Variants in SEC16B observed in about 807,000 individuals in gnomAD.
SEC16B encodes the protein SEC16 homolog B, endoplasmic reticulum export factor, also known as protein transport protein Sec16B.
In SEC16B, 115 loss-of-function variants were observed where a neutral mutation model predicts 141.8. The ratio of observed to expected loss-of-function variants is 0.81; its 90% CI spans 0.70 to 0.95. SEC16B has a LOEUF of 0.95. SEC16B is among the 40% of genes least tolerant of loss of function. The probability of loss-of-function intolerance (pLI) is 0.00; values close to 1 mark genes in which losing one functional copy is unlikely to be tolerated. For synonymous variants in SEC16B, 493 were observed against 492.5 expected (o/e 1.00, Z -0.01); for missense variants, 1,291 against 1,312.3 (o/e 0.98, Z 0.25).
chr1:177,983,449 A>G (rs760108384), intron 1 of SEC16B, among the ~76,000 whole-genome samples: 1 of 151,940 alleles, frequency 6.6e-6, no homozygotes, highest in Non-Finnish European at 1.5e-5. Flanking sequence ...CAATAAGTTA[A>G]CCGTACTCAG....
intron 16 of SEC16B, 77 bp downstream of exon 16, chr1:177,941,823 A>G: frequency 6.8e-7 from 1 of 1,480,008 alleles, no homozygotes; most frequent in Non-Finnish European, 9.1e-7. Flanking sequence ...TGAAATGTAG[A>G]GTCTAAGCTG....
In SEC16B at chr1:177,946,511, C is replaced by T; in HGVS notation, c.1684G>A (p.Ala562Thr). 6.3e-7 allele frequency: 1 copy of T among 1,580,002 alleles called. No homozygotes were observed. The highest frequency in any genetic ancestry group is 1.2e-5 in the South Asian group (1 of 85,996). Residue 562 changes from alanine (A) to threonine (T), a missense_variant, in exon 14 of 26, where the codon GCA becomes ACA. Physicochemically the swap from Ala to Thr is moderately conservative, Grantham distance 58. This residue lies in a region of SEC16B where 5 missense variants were observed against 22.8 expected (regional missense o/e 0.22). Transcript: ENST00000308284. ...DTLAGKGLVE[A>T]AHFCYLMAHV... ...GCCATGAGATAGCAGAAGTGAGCTGCCTCCACAAGCCCCTTCCCAGCTGCG... is the reference window on the plus strand; with the variant it reads ...GCCATGAGATAGCAGAAGTGAGCTGTCTCCACAAGCCCCTTCCCAGCTGCG...
In SEC16B at chr1:177,937,415, G is replaced by GC; in HGVS notation, c.2301dup (p.Leu768AlafsTer36). The GC allele has an allele frequency of 6.2e-7, 1 of 1,609,754 alleles. No individual in the cohort carries two copies. The highest frequency in any genetic ancestry group is 8.5e-7 in the Non-Finnish European group (1 of 1,178,214). On this transcript the variant is annotated frameshift_variant, in exon 19 of 26. Transcript: ENST00000308284. LOFTEE classifies it high-confidence loss of function. Reference sequence around the variant, plus strand: ...AAGGGCTGCTGTGGGCTGGGCTGGAGCAGGCAGGTCTGCTCAGGTGTCAGC... The same window carrying GC: ...AAGGGCTGCTGTGGGCTGGGCTGGAGCCAGGCAGGTCTGCTCAGGTGTCAGC...
At chr1:177,963,441 A>G (rs1353505550) in intron 5 of SEC16B, among the ~76,000 whole-genome samples, 1 of 151,768 alleles carries the variant, frequency 6.6e-6, no homozygotes. Context: ...GGTCTCTACT[A>G]AAAATACAAA....
At position 177,937,566 on chromosome 1, in the gene SEC16B, A is replaced by T. The variant is rs550971216; in HGVS notation, c.2204-53T>A. 15 of 1,389,404 alleles carry T rather than the reference A, an allele frequency of 1.1e-5. No homozygotes were observed. In the South Asian group the frequency reaches 1.8e-4, roughly 17 times the overall value. 86.1% of individuals were successfully genotyped at this position (1,389,404 alleles called of 1,614,324 possible). ...GTCAGACCTGAAATGCGGCATTTGC[A>T]TACTGATCACACCAGAAACATTCCT... On this transcript the variant is annotated intron_variant, in intron 18 of 25. Transcript: ENST00000308284.
At position 177,939,571 on chromosome 1, in the gene SEC16B, G is replaced by A. The variant is rs140892210; in HGVS notation, c.2203+131C>T. 8.1e-4 allele frequency: 589 copies of A among 730,830 alleles called. 2 individuals are homozygous for A. In the African/African-American group the frequency reaches 8.8e-3, roughly 11 times the overall value. 45.3% of individuals were successfully genotyped at this position (730,830 alleles called of 1,614,324 possible). A position where few individuals can be genotyped will look rare whatever the true frequency, so the allele number is the denominator to read the frequency against. On this transcript the variant is annotated intron_variant, in intron 18 of 25. Transcript: ENST00000308284. ...TGGGTGGAGAAGGCGCCTGGACAAC[G>A]GGGCGGACTTACACAGGCAAGGCAG...
upstream of SEC16B, among the ~76,000 whole-genome samples, chr1:177,972,320 C>G (rs974545613): frequency 6.6e-6 from 1 of 152,182 alleles, no homozygotes; most frequent in Non-Finnish European, 1.5e-5. Context: ...TCATTTCCTA[C>G]CTTCCCAGCC....
chr1:177,932,352 G>A, intron 24 of SEC16B, 138 bp downstream of exon 24: 1 of 602,740 alleles, frequency 1.7e-6, no homozygotes, highest in Non-Finnish European at 2.7e-6. Context: ...ACTTTGTTAT[G>A]ACAGCCTGAG....
At chr1:177,961,016 G>A in intron 6 of SEC16B, 77 bp from the exon 7 acceptor site, 1 of 1,504,886 alleles carries the variant, frequency 6.6e-7, no homozygotes, top group Admixed American at 1.9e-5. Context: ...ATATGCCACA[G>A]ATGTATTTCT....
chr1:177,949,383 AACACACACACACACACACACACACAC>A (rs61635250), intron 12 of SEC16B, among the ~76,000 whole-genome samples: 3 of 136,770 alleles, frequency 2.2e-5, no homozygotes, highest in Non-Finnish European at 3.1e-5. Flanking sequence ...TCCCTTGCTA[AACACACACACACACACACACACACAC>A]ACACACACAC....
intron 19 of SEC16B, among the ~76,000 whole-genome samples, chr1:177,936,659 A>C (rs1434799985): frequency 6.6e-6 from 1 of 152,048 alleles, no homozygotes; most frequent in Non-Finnish European, 1.5e-5. Context: ...ACTCCTCTCC[A>C]TCTGAGCCTC....
chr1:177,944,003 C>A lies in SEC16B; in HGVS notation c.1881+558G>T, dbSNP rs888312167. 8.5e-5 allele frequency among the ~76,000 whole-genome samples: 13 copies of A among 152,182 alleles called. 1 individual carries two copies. Among genetic ancestry groups the A allele is most frequent in the Non-Finnish European group, 5.9e-5 (4 of 68,042 alleles). On this transcript the variant is annotated intron_variant, in intron 15 of 25. Coordinates refer to ENST00000308284, the MANE Select transcript of SEC16B (RefSeq NM_033127.4). The stretch of plus-strand genomic sequence containing the variant: ...ACTGGTCTTTACGAATGTAAGGTGA[C>A]AACAGCATCATGTAGAAACGTTGAG...
rs202059411 is a variant in SEC16B at position 177,944,589 on chromosome 1, C to A, written c.1853G>T (p.Arg618Leu). The change falls in exon 15 of 26, where the codon CGC (arginine) becomes CTC (leucine). Residue 618 changes from arginine (R) to leucine (L), a missense_variant. Arg to Leu is a moderately radical substitution (Grantham distance 102, BLOSUM62 -2). Around this residue, in one of 3 missense-constraint regions of SEC16B, gnomAD observed 605 missense variants for 614.1 expected, o/e 0.99. Transcript: ENST00000308284. ...GAAAGAAGGGATGAAGGATTTGGGG[C>A]GGCCCAGCATCTGACAGTACTCGAA... ...EIFEYCQMLG[R>L]PKSFIPSFQV... 40 of 1,613,556 alleles carry A rather than the reference C, an allele frequency of 2.5e-5. No individual in the cohort carries two copies. Among genetic ancestry groups the A allele is most frequent in the Non-Finnish European group, 3.4e-5 (40 of 1,179,712 alleles).
At chr1:177,938,944 C>T (rs368499855) in intron 18 of SEC16B, among the ~76,000 whole-genome samples, 1 of 152,228 alleles carries the variant, frequency 6.6e-6, no homozygotes, top group South Asian at 2.1e-4. Context: ...GCCAACCCGC[C>T]TGCTCCACTG....
At position 177,932,546 on chromosome 1, in the gene SEC16B, C is replaced by A. The variant is rs372353418; in HGVS notation, c.2956G>T (p.Ala986Ser). Residue 986 changes from alanine to serine, a missense_variant, in exon 24 of 26, where the codon GCA becomes TCA. This residue lies in a region of SEC16B where 605 missense variants were observed against 614.1 expected (regional missense o/e 0.99). Coordinates refer to ENST00000308284, the MANE Select transcript of SEC16B (RefSeq NM_033127.4). ...GRGGGEGRGS[A>S]SSGGAAAGAG... The stretch of plus-strand genomic sequence containing the variant: ...CCCGCAGCTGCTCCCCCGCTGGATG[C>A]GGATCCTCGGCCTTCACCCCCACCT... The A allele has an allele frequency of 1.3e-6, 2 of 1,561,448 alleles. No homozygotes were observed. Among genetic ancestry groups the A allele is most frequent in the South Asian group, 1.2e-5 (1 of 83,996 alleles).
intron 10 of SEC16B, 129 bp downstream of exon 10, chr1:177,958,003 G>A (rs1050946487): frequency 1.9e-6 from 1 of 517,528 alleles, no homozygotes; most frequent in Non-Finnish European, 3.0e-6. Flanking sequence ...TCTTTGTTCT[G>A]TCTTTCCGAA....
chr1:177,982,604 A>G (rs1654465395), intron 1 of SEC16B, among the ~76,000 whole-genome samples: 1 of 152,236 alleles, frequency 6.6e-6, no homozygotes, highest in African/African-American at 2.4e-5. Context: ...TACAACTTCC[A>G]AAGTCAAAAA....
At chr1:177,959,510 A>G (rs1204532282) in intron 8 of SEC16B, 1 of 166,992 alleles carries the variant, frequency 6.0e-6, no homozygotes, top group African/African-American at 2.4e-5. Flanking sequence ...TTGAATACCC[A>G]ACTCGCTTTT....
At chr1:177,958,525 CA>C (rs1652806976) in intron 9 of SEC16B, 163 bp from the exon 10 acceptor site, 1 of 607,154 alleles carries the variant, frequency 1.6e-6, no homozygotes, top group Non-Finnish European at 2.8e-6. Flanking sequence ...CAGACTTCAG[CA>C]TCACTATCAT....
Sources: gnomAD v4.1 joint callset for allele counts (sites outside exome capture counted in the v4.1 genomes callset) on GRCh38, gnomAD v4.1.1 for gene constraint, gnomAD v4.1.1 regional missense constraint, MANE v1.5 for transcripts, NCBI Gene and HGNC (gene_info 2026-07-23, HGNC 2026-07-21) for gene names.